The following XRCC5 variants were observed in gnomAD, a reference collection of about 807,000 sequenced individuals.
The protein encoded by XRCC5 is DNA repair protein Ku80.
A neutral mutation model predicts 95.7 loss-of-function variants in XRCC5; 12 were observed. The observed-to-expected ratio is 0.13, with a 90% CI of 0.08 to 0.20. XRCC5 has a LOEUF of 0.20. Among genes scored for constraint, XRCC5 ranks in the 10% least tolerant of loss-of-function variants. XRCC5 has a pLI of 1.00. For synonymous variants in XRCC5, 281 were observed against 290.3 expected (o/e 0.97, Z 0.33); for missense variants, 595 against 873.9 (o/e 0.68, Z 4.02).
intron 10 of XRCC5, 121 bp downstream of exon 10, chr2:216,132,508 A>G: frequency 3.1e-6 from 3 of 957,314 alleles, no homozygotes; most frequent in Non-Finnish European, 4.9e-6. Context: ...GGAGTGGGGA[A>G]ATCCACTGAT....
intron 16 of XRCC5, among the ~76,000 whole-genome samples, chr2:216,182,681 T>G (rs990780370): frequency 1.3e-5 from 2 of 152,188 alleles, no homozygotes; most frequent in African/African-American, 4.8e-5. Context: ...AAGTCTTCCT[T>G]TAGTTTCTTT....
chr2:216,197,569 C>G (rs41296781), intron 19 of XRCC5, among the ~76,000 whole-genome samples: 65 of 152,124 alleles, frequency 4.3e-4, no homozygotes, highest in African/African-American at 1.5e-3. Context: ...CTGGCTCTGA[C>G]TGGCATCTTC....
chr2:216,192,475 C>T (rs191601017), intron 17 of XRCC5, among the ~76,000 whole-genome samples, 164 bp from the exon 18 acceptor site: 2 of 152,278 alleles, frequency 1.3e-5, no homozygotes, highest in East Asian at 3.9e-4. Flanking sequence ...CCCCAGTGAA[C>T]ACACCTCAGT....
At chr2:216,129,181 TC>T (rs1696941563) in intron 8 of XRCC5, among the ~76,000 whole-genome samples, 1 of 152,224 alleles carries the variant, frequency 6.6e-6, no homozygotes, top group Admixed American at 6.5e-5. Context: ...AAGGAAGGCA[TC>T]CCTGGTTATC....
chr2:216,125,202 C>CTT (rs533096830), intron 6 of XRCC5, among the ~76,000 whole-genome samples: 1 of 139,008 alleles, frequency 7.2e-6, no homozygotes, highest in African/African-American at 2.6e-5. Context: ...TTCCTTTTTT[C>CTT]TTTTTTTTTT....
intron 16 of XRCC5, among the ~76,000 whole-genome samples, chr2:216,173,952 A>T (rs796360640): frequency 6.6e-6 from 1 of 152,232 alleles, no homozygotes; most frequent in African/African-American, 2.4e-5. Context: ...CACAAAATAC[A>T]CTAAGACAGC....
Position 216,167,786 on chromosome 2 carries a change from TACAA to T in XRCC5, c.1834+5742_1834+5745del, listed in dbSNP as rs544034840. 1.2e-3 allele frequency among the ~76,000 whole-genome samples: 182 copies of T among 152,266 alleles called. 4 individuals carry two copies. The South Asian group carries it at 0.031, about 26-fold the overall frequency. On this transcript the variant is annotated intron_variant, in intron 16 of 20. Transcript: ENST00000392132. ...CCTTGAGCATCTTAAAGATGCTAAA[TACAA>T]ACAGTCACTAAAATTTTAAACATCT...
At chr2:216,118,727 C>T (rs374263953) in intron 4 of XRCC5, among the ~76,000 whole-genome samples, 45 of 152,240 alleles carry the variant, frequency 3.0e-4, no homozygotes, top group African/African-American at 1.1e-3. Context: ...TTAGAGTATG[C>T]TGGGAGAATT....
intron 3 of XRCC5, 120 bp from the exon 4 acceptor site, chr2:216,117,626 A>G (rs1440977318): frequency 4.3e-6 from 4 of 922,808 alleles, no homozygotes; most frequent in Non-Finnish European, 7.0e-6. Context: ...TCAGGCAAGT[A>G]CTTTAAGTCA....
At chr2:216,165,340 C>A (rs962059786) in intron 16 of XRCC5, among the ~76,000 whole-genome samples, 1 of 152,182 alleles carries the variant, frequency 6.6e-6, no homozygotes, top group South Asian at 2.1e-4. Flanking sequence ...CAAAAGATGT[C>A]CCTCTGACCT....
intron 13 of XRCC5, 128 bp from the exon 14 acceptor site, chr2:216,147,955 T>A (rs1688670822): frequency 9.9e-7 from 1 of 1,013,146 alleles, no homozygotes; most frequent in Non-Finnish European, 1.5e-6. Context: ...ATCCTCTTGA[T>A]TGTTTTTTAC....
intron 7 of XRCC5, 116 bp from the exon 8 acceptor site, chr2:216,127,420 G>A (rs1465877725): frequency 8.2e-7 from 1 of 1,216,166 alleles, no homozygotes; most frequent in Admixed American, 2.8e-5. Flanking sequence ...CAAAATAATG[G>A]AGCTAGAGTA....
chr2:216,179,334 T>G (rs1355911163), intron 16 of XRCC5, among the ~76,000 whole-genome samples: 1 of 152,196 alleles, frequency 6.6e-6, no homozygotes, highest in Non-Finnish European at 1.5e-5. Flanking sequence ...GGGCCTTTCC[T>G]AGTGACCTCA....
intron 16 of XRCC5, among the ~76,000 whole-genome samples, chr2:216,164,950 C>G (rs965873732): frequency 1.1e-4 from 17 of 152,154 alleles, no homozygotes; most frequent in African/African-American, 3.9e-4. Flanking sequence ...GAAAATATGT[C>G]TTACCCCTGG....
At chr2:216,132,493 C>A (rs757740989) in intron 10 of XRCC5, 106 bp downstream of exon 10, 20 of 1,129,878 alleles carry the variant, frequency 1.8e-5, no homozygotes, top group African/African-American at 9.3e-5. Flanking sequence ...TGAATTCTTG[C>A]AATAGGAGTG....
chr2:216,118,906 G>A (rs1696750832), intron 4 of XRCC5, 137 bp from the exon 5 acceptor site: 1 of 892,796 alleles, frequency 1.1e-6, no homozygotes, highest in Non-Finnish European at 1.7e-6. Context: ...GAACTTAATT[G>A]GACTACTAGA....
At chr2:216,115,207 T>G (rs1490029310) in intron 2 of XRCC5, among the ~76,000 whole-genome samples, 4 of 152,224 alleles carry the variant, frequency 2.6e-5, no homozygotes, top group Non-Finnish European at 4.4e-5. Context: ...GAACCGAGAT[T>G]ACTGCGGAGT....
chr2:216,177,074 C>T (rs746561090), intron 16 of XRCC5, among the ~76,000 whole-genome samples: 8 of 152,106 alleles, frequency 5.3e-5, no homozygotes, highest in Non-Finnish European at 8.8e-5. Flanking sequence ...GGCTTCAGTC[C>T]GTCTGAATTT....
chr2:216,145,944 A>G (rs1489806465), intron 13 of XRCC5, among the ~76,000 whole-genome samples: 2 of 152,164 alleles, frequency 1.3e-5, no homozygotes, highest in Non-Finnish European at 2.9e-5. Flanking sequence ...AGGACTTTCT[A>G]AGCTGTTCAG....
Sources: allele counts gnomAD v4.1 joint callset (sites outside exome capture counted in the v4.1 genomes callset), GRCh38; gene constraint gnomAD v4.1.1; transcripts MANE v1.5; gene names NCBI Gene and HGNC (gene_info 2026-07-23, HGNC 2026-07-21).